Variants in COL5A2 observed in about 807,000 individuals in gnomAD.
The protein encoded by COL5A2 is collagen type V alpha 2 chain, also known as collagen alpha-2(V) chain.
Under a neutral mutation model 208.2 loss-of-function variants are expected in COL5A2, and 23 were observed. The ratio of observed to expected loss-of-function variants is 0.11; its 90% CI spans 0.08 to 0.16. The LOEUF (loss-of-function observed/expected upper bound fraction) is 0.16. Ranked by LOEUF, COL5A2 falls within the 10% of genes least tolerant of loss-of-function variation. The pLI is 1.00. For missense variants in COL5A2, 1,590 were observed against 1,956.4 expected (o/e 0.81, Z 3.53); for synonymous variants, 625 against 628.5 (o/e 0.99, Z 0.08).
chr2:189,289,554 A>G, the COL5A2 span, among the ~76,000 whole-genome samples: 1 of 152,182 alleles, frequency 6.6e-6, no homozygotes, highest in Non-Finnish European at 1.5e-5. Context: ...CAAGAAAAAA[A>G]TGATAAAGCC....
chr2:189,313,908 T>C, the COL5A2 span, among the ~76,000 whole-genome samples: 1 of 152,144 alleles, frequency 6.6e-6, no homozygotes, highest in Non-Finnish European at 1.5e-5. Context: ...CCTAAATATA[T>C]ATGCACACAA....
the COL5A2 span, among the ~76,000 whole-genome samples, chr2:189,314,098 T>C: frequency 5.3e-5 from 8 of 152,126 alleles, no homozygotes; most frequent in Admixed American, 4.6e-4. Context: ...ATGGACCTAA[T>C]AGATATCTAT....
chr2:189,299,566 T>C, the COL5A2 span, among the ~76,000 whole-genome samples: 1 of 152,226 alleles, frequency 6.6e-6, no homozygotes, highest in Non-Finnish European at 1.5e-5. Context: ...ATAGTCATTT[T>C]AGGACATGAA....
At chr2:189,397,303 G>T in the COL5A2 span, among the ~76,000 whole-genome samples, 1 of 152,130 alleles carries the variant, frequency 6.6e-6, no homozygotes, top group Non-Finnish European at 1.5e-5. Context: ...AACTGGTGCT[G>T]GATGCTGGGA....
intron 2 of COL5A2, among the ~76,000 whole-genome samples, chr2:189,106,454 T>G (rs1223190545): frequency 5.9e-5 from 9 of 151,360 alleles, no homozygotes; most frequent in Non-Finnish European, 5.9e-5. Context: ...AATTTTGCAC[T>G]CTCATGTCTT....
chr2:189,292,561 C>T, the COL5A2 span, among the ~76,000 whole-genome samples: 1 of 152,174 alleles, frequency 6.6e-6, no homozygotes. Flanking sequence ...GAGATGCCAT[C>T]TCACACCAGA....
At chr2:189,108,934 A>G (rs1408710822) in intron 2 of COL5A2, among the ~76,000 whole-genome samples, 7 of 146,592 alleles carry the variant, frequency 4.8e-5, no homozygotes, top group Non-Finnish European at 9.0e-5. Context: ...TTTCTGCTTT[A>G]TAGCCTTCTT....
intron 9 of COL5A2, among the ~76,000 whole-genome samples, chr2:189,086,358 A>ATAC (rs1686662511): frequency 6.6e-6 from 1 of 152,198 alleles, no homozygotes. Context: ...ATTTCTAATA[A>ATAC]TACTACACGG....
At chr2:189,190,953 C>T (rs986563889) in intron 1 of COL5A2, among the ~76,000 whole-genome samples, 1 of 151,892 alleles carries the variant, frequency 6.6e-6, no homozygotes, top group East Asian at 1.9e-4. Context: ...ATATCTAACA[C>T]ATAATAAAGG....
chr2:189,292,244 A>C, the COL5A2 span, among the ~76,000 whole-genome samples: 1 of 152,210 alleles, frequency 6.6e-6, no homozygotes, highest in African/African-American at 2.4e-5. Context: ...TTTTGAAGTG[A>C]GAAAAAAATC....
Position 189,049,443 on chromosome 2 carries a change from T to G in COL5A2, c.3051A>C (p.Gly1017=). The change falls in exon 44 of 54, where the codon GGA becomes GGC. Residue 1017 remains glycine, a synonymous_variant. Transcript: ENST00000374866. ...CTGTTGCACCAGTTGGTCCTACTTT[T>G]CCTGGTGTTCCCTGAAATAGAAGTA... ...PGLPGPAGTP[G]KVGPTGATGD... is the part of the protein sequence containing the mutation. The G allele has an allele frequency of 6.2e-7, 1 of 1,612,832 alleles. No individual in the cohort carries two copies. The highest frequency in any genetic ancestry group is 8.5e-7 in the Non-Finnish European group (1 of 1,179,350).
intron 53 of COL5A2, 116 bp downstream of exon 53, chr2:189,034,800 G>T: frequency 1.7e-6 from 2 of 1,163,340 alleles, no homozygotes; most frequent in Non-Finnish European, 1.3e-6. Context: ...TAAACAAACT[G>T]CTATTATGCT....
At chr2:189,250,403 C>T in the COL5A2 span, among the ~76,000 whole-genome samples, 5 of 152,178 alleles carry the variant, frequency 3.3e-5, no homozygotes, top group Non-Finnish European at 7.4e-5. Context: ...ATAACCCATG[C>T]TCTTAGCCAA....
chr2:189,197,841 C>T (rs373474504), intron 1 of COL5A2, among the ~76,000 whole-genome samples: 2 of 130,106 alleles, frequency 1.5e-5, no homozygotes, highest in African/African-American at 5.7e-5. Flanking sequence ...GCAAAAGTTT[C>T]TCATAGGCTC....
intron 9 of COL5A2, 146 bp from the exon 10 acceptor site, chr2:189,085,918 C>T: frequency 1.5e-6 from 1 of 655,212 alleles, no homozygotes; most frequent in East Asian, 2.8e-5. Flanking sequence ...CTTAATCTGT[C>T]TGTAACTGTT....
At chr2:189,393,392 T>A in the COL5A2 span, among the ~76,000 whole-genome samples, 519 of 152,312 alleles carry the variant, frequency 3.4e-3, 3 homozygotes, top group African/African-American at 0.012. Context: ...CAAATAGCTT[T>A]TACACAATCT....
the COL5A2 span, among the ~76,000 whole-genome samples, chr2:189,243,748 G>A: frequency 7.9e-5 from 12 of 152,204 alleles, no homozygotes; most frequent in East Asian, 3.9e-4. Context: ...GTCCACAGTC[G>A]AAAGTCTTAT....
chr2:189,262,018 T>G, the COL5A2 span, among the ~76,000 whole-genome samples: 2 of 152,182 alleles, frequency 1.3e-5, no homozygotes, highest in African/African-American at 4.8e-5. Context: ...TATTATTGTT[T>G]TATCAATATT....
intron 1 of COL5A2, among the ~76,000 whole-genome samples, chr2:189,153,927 C>T (rs1688194571): frequency 6.6e-6 from 1 of 152,066 alleles, no homozygotes; most frequent in Non-Finnish European, 1.5e-5. Flanking sequence ...GTATAGACCC[C>T]CTAAGATTCT....
Sources: gnomAD v4.1 joint callset for allele counts (sites outside exome capture counted in the v4.1 genomes callset) on GRCh38, gnomAD v4.1.1 for gene constraint, MANE v1.5 for transcripts, NCBI Gene and HGNC (gene_info 2026-07-23, HGNC 2026-07-21) for gene names.